Variants in TTC28 observed in about 807,000 individuals in gnomAD.
TTC28 encodes the protein tetratricopeptide repeat protein 28.
Under a neutral mutation model 198.0 loss-of-function variants are expected in TTC28, and 61 were observed. The ratio of observed to expected loss-of-function variants is 0.31; its 90% CI spans 0.25 to 0.38. The LOEUF is 0.38. Ranked by LOEUF, TTC28 falls within the 10% of genes least tolerant of loss-of-function variation. The pLI, the probability that TTC28 is intolerant of heterozygous loss-of-function variation, is 1.00. For missense variants in TTC28, 2,678 were observed against 3,164.0 expected (o/e 0.85, Z 3.69); for synonymous variants, 1,171 against 1,297.8 (o/e 0.90, Z 2.10).
chr22:28,052,454 G>A (rs1473084224), intron 12 of TTC28, among the ~76,000 whole-genome samples: 3 of 152,148 alleles, frequency 2.0e-5, no homozygotes, highest in African/African-American at 7.2e-5. Flanking sequence ...AACTGGAAGA[G>A]CCCAGATTTA....
chr22:28,659,279 T>G (rs955531249), intron 1 of TTC28, among the ~76,000 whole-genome samples: 7 of 152,098 alleles, frequency 4.6e-5, no homozygotes, highest in African/African-American at 1.7e-4. Context: ...TCAAATTAAT[T>G]TTTTTTTGAG....
intron 12 of TTC28, among the ~76,000 whole-genome samples, chr22:28,090,949 T>C (rs907029910): frequency 6.6e-6 from 1 of 152,194 alleles, no homozygotes; most frequent in Non-Finnish European, 1.5e-5. Flanking sequence ...ACCTTATTTC[T>C]AGCAGTCTAA....
intron 2 of TTC28, among the ~76,000 whole-genome samples, chr22:28,387,220 C>T (rs2046621265): frequency 6.6e-6 from 1 of 152,188 alleles, no homozygotes; most frequent in African/African-American, 2.4e-5. Flanking sequence ...ACATGTGCCA[C>T]ATTTTCTTAA....
chr22:28,183,658 T>C (rs1460359409), intron 5 of TTC28, among the ~76,000 whole-genome samples: 1 of 152,222 alleles, frequency 6.6e-6, no homozygotes, highest in African/African-American at 2.4e-5. Context: ...GCCTTTTTCC[T>C]GTTCTTTGAC....
rs767694045 is a variant in TTC28, at chr22:27,982,717, C to T, written c.6950G>A (p.Gly2317Asp). ...GGAGAGAGCTGGGGAGGGTGCACTG[C>T]CAGCAGGAGACTGGTGGCCGGAGCT... is the stretch of plus-strand genomic sequence containing the variant. ...SPSSGHQSPA[G>D]SAPSPALSYS... The change falls in exon 23 of 23, where the codon GGC becomes GAC. Residue 2317 changes from glycine to aspartate, a missense_variant. Physicochemically the swap from Gly to Asp is moderately conservative, Grantham distance 94. Coordinates refer to ENST00000397906, the MANE Select transcript of TTC28 (RefSeq NM_001145418.2). This position sits in a 1 kb window ranked among gnomAD's most constrained non-coding sequence, Gnocchi z 5.2. The T allele has an allele frequency of 2.5e-5, 39 of 1,551,458 alleles. No homozygotes were observed. The African/African-American group carries it at 3.8e-4, about 15-fold the overall frequency.
intron 2 of TTC28, among the ~76,000 whole-genome samples, chr22:28,399,337 G>C (rs1232137777): frequency 2.3e-5 from 1 of 43,032 alleles, no homozygotes; most frequent in African/African-American, 7.8e-5. Flanking sequence ...TTTTTTTTTT[G>C]AGACAGGCTT....
intron 5 of TTC28, among the ~76,000 whole-genome samples, chr22:28,255,499 T>A (rs1930836785): frequency 6.6e-6 from 1 of 151,954 alleles, no homozygotes; most frequent in Non-Finnish European, 1.5e-5. Context: ...CTGACCAACG[T>A]GGTAAAACCC....
intron 5 of TTC28, among the ~76,000 whole-genome samples, chr22:28,207,904 T>C (rs1412975731): frequency 6.6e-6 from 1 of 152,078 alleles, no homozygotes; most frequent in African/African-American, 2.4e-5. Flanking sequence ...TATGAGGTAC[T>C]CAATATGGCA....
intron 12 of TTC28, among the ~76,000 whole-genome samples, chr22:28,073,662 G>A (rs2146782413): frequency 6.6e-6 from 1 of 152,306 alleles, no homozygotes; most frequent in Middle Eastern, 3.4e-3. Context: ...ACTCCTGTGG[G>A]AGGAATATAT....
intron 1 of TTC28, among the ~76,000 whole-genome samples, chr22:28,662,286 T>C (rs1041895950): frequency 6.6e-6 from 1 of 152,184 alleles, no homozygotes; most frequent in African/African-American, 2.4e-5. Flanking sequence ...GTCTAGCGTT[T>C]AGTAGCAAAA....
chr22:28,018,244 A>AGTGTGTGTGTGT (rs138612299), intron 13 of TTC28, among the ~76,000 whole-genome samples: 6,628 of 114,858 alleles, frequency 0.058, 260 homozygotes, highest in Non-Finnish European at 0.068. Flanking sequence ...GCTGCTATTC[A>AGTGTGTGTGTGT]GTGTGTGTGT....
intron 5 of TTC28, among the ~76,000 whole-genome samples, chr22:28,275,497 A>G (rs1296393962): frequency 6.6e-6 from 1 of 152,210 alleles, no homozygotes; most frequent in Admixed American, 6.5e-5. Flanking sequence ...ACAGTATTGT[A>G]TATTTTTTCC....
At chr22:28,590,384 C>T (rs1214977688) in intron 2 of TTC28, among the ~76,000 whole-genome samples, 1 of 152,074 alleles carries the variant, frequency 6.6e-6, no homozygotes, top group Admixed American at 6.5e-5. Context: ...CCACCTTGGC[C>T]TCCTAAAGTG....
At chr22:28,571,747 G>A (rs183330912) in intron 2 of TTC28, among the ~76,000 whole-genome samples, 53 of 151,536 alleles carry the variant, frequency 3.5e-4, no homozygotes, top group Admixed American at 9.2e-4. Flanking sequence ...TCAGGAGTTC[G>A]AGGCCAGCCT....
At chr22:28,462,666 A>T (rs2047965738) in intron 2 of TTC28, among the ~76,000 whole-genome samples, 1 of 152,214 alleles carries the variant, frequency 6.6e-6, no homozygotes. Context: ...AAGTGGGACT[A>T]GGGGCTTCCA....
intron 6 of TTC28, among the ~76,000 whole-genome samples, chr22:28,154,633 G>T (rs1177372235): frequency 6.6e-6 from 1 of 152,128 alleles, no homozygotes; most frequent in Non-Finnish European, 1.5e-5. Context: ...TGGGATTACA[G>T]GCGTGAGCCA....
chr22:28,492,337 G>A (rs1177163338), intron 2 of TTC28, among the ~76,000 whole-genome samples: 1 of 152,158 alleles, frequency 6.6e-6, no homozygotes, highest in Non-Finnish European at 1.5e-5. Flanking sequence ...TAGATGCTCT[G>A]AAGAAAGTGA....
chr22:28,575,406 T>C (rs1224196321), intron 2 of TTC28, among the ~76,000 whole-genome samples: 1 of 152,172 alleles, frequency 6.6e-6, no homozygotes, highest in African/African-American at 2.4e-5. Flanking sequence ...GCCAGTACCA[T>C]GCTATTTTGG....
intron 2 of TTC28, among the ~76,000 whole-genome samples, chr22:28,443,978 A>G (rs950097328): frequency 6.6e-6 from 1 of 152,212 alleles, no homozygotes; most frequent in Admixed American, 6.5e-5. Flanking sequence ...AAATATTTTA[A>G]TCAAGAATTT....
Sources: gnomAD v4.1 joint callset for allele counts (sites outside exome capture counted in the v4.1 genomes callset) on GRCh38, gnomAD v4.1.1 for gene constraint, Gnocchi (gnomAD v3.1) non-coding constraint, MANE v1.5 for transcripts, NCBI Gene and HGNC (gene_info 2026-07-23, HGNC 2026-07-21) for gene names.